The following DPP10 variants were observed in gnomAD, a reference collection of about 807,000 sequenced individuals.
DPP10 encodes inactive dipeptidyl peptidase 10.
In DPP10, 33 loss-of-function variants were observed where a neutral mutation model predicts 120.9. The ratio of observed to expected loss-of-function variants is 0.27; its 90% confidence interval spans 0.21 to 0.37. The LOEUF is 0.37. DPP10 is among the 10% of genes least tolerant of loss of function. The pLI is 1.00. For synonymous variants in DPP10, 337 were observed against 326.1 expected, an observed-to-expected ratio of 1.03 and a Z score of -0.36; for missense variants, 816 against 942.8, an observed-to-expected ratio of 0.87 and a Z score of 1.76.
chr2:115,779,567 G>A (rs1439862660), intron 15 of DPP10, among the ~76,000 whole-genome samples: 1 of 151,962 alleles, frequency 6.6e-6, no homozygotes, highest in African/African-American at 2.4e-5. Context: ...AATCTCCAGG[G>A]AGCTTGGATC....
At chr2:115,707,565 C>T (rs1001407082) in intron 7 of DPP10, among the ~76,000 whole-genome samples, 2 of 150,026 alleles carry the variant, frequency 1.3e-5, no homozygotes, top group Non-Finnish European at 3.0e-5. Context: ...AAATATATTA[C>T]ACATGTGTCT....
intron 1 of DPP10, among the ~76,000 whole-genome samples, chr2:114,708,765 G>GT (rs999097036): frequency 2.3e-4 from 35 of 151,588 alleles, no homozygotes; most frequent in Admixed American, 6.6e-4. Context: ...TTTGTTTTTT[G>GT]TTTTTTTTGA....
At chr2:115,246,545 G>A (rs1199590180) in intron 1 of DPP10, among the ~76,000 whole-genome samples, 1 of 152,128 alleles carries the variant, frequency 6.6e-6, no homozygotes, top group African/African-American at 2.4e-5. Context: ...ACAGAGACAG[G>A]AGAAATGTCC....
At chr2:115,416,117 A>G (rs1301438987) in intron 3 of DPP10, among the ~76,000 whole-genome samples, 1 of 151,988 alleles carries the variant, frequency 6.6e-6, no homozygotes, top group Non-Finnish European at 1.5e-5. Flanking sequence ...ACTTGAAATT[A>G]TATTTTGCTG....
At chr2:115,573,955 C>T (rs1364200791) in intron 5 of DPP10, among the ~76,000 whole-genome samples, 1 of 152,140 alleles carries the variant, frequency 6.6e-6, no homozygotes, top group Non-Finnish European at 1.5e-5. Flanking sequence ...TGGCCTGGTT[C>T]TCTACTCTTT....
At chr2:115,555,305 T>C (rs2080141428) in intron 5 of DPP10, among the ~76,000 whole-genome samples, 1 of 152,114 alleles carries the variant, frequency 6.6e-6, no homozygotes, top group Non-Finnish European at 1.5e-5. Context: ...AATTAAAGCA[T>C]ACAAATTGTA....
intron 1 of DPP10, among the ~76,000 whole-genome samples, chr2:115,206,926 C>T (rs2056173910): frequency 6.6e-6 from 1 of 152,136 alleles, no homozygotes; most frequent in African/African-American, 2.4e-5. Context: ...AAGATGTTAT[C>T]ATAAGACCTA....
chr2:114,759,143 A>G (rs1680055463), intron 1 of DPP10, among the ~76,000 whole-genome samples: 1 of 152,220 alleles, frequency 6.6e-6, no homozygotes, highest in African/African-American at 2.4e-5. Flanking sequence ...CAGTAACTAC[A>G]TATATTGATC....
chr2:115,720,378 T>C (rs1182624835), intron 7 of DPP10, among the ~76,000 whole-genome samples: 4 of 152,184 alleles, frequency 2.6e-5, no homozygotes, highest in Non-Finnish European at 5.9e-5. Context: ...AGATGGTTTC[T>C]AGACTAAAAT....
At chr2:114,618,922 T>G (rs1693875570) in intron 1 of DPP10, among the ~76,000 whole-genome samples, 1 of 152,048 alleles carries the variant, frequency 6.6e-6, no homozygotes, top group African/African-American at 2.4e-5. Flanking sequence ...AGTCGTAATT[T>G]CTACATCACT....
chr2:114,947,082 GT>G (rs1697418704), intron 1 of DPP10, among the ~76,000 whole-genome samples: 1 of 151,796 alleles, frequency 6.6e-6, no homozygotes, highest in South Asian at 2.1e-4. Flanking sequence ...GTTTTTATCT[GT>G]TTGTTTAACC....
At chr2:115,713,821 C>T (rs1238603359) in intron 7 of DPP10, among the ~76,000 whole-genome samples, 2 of 152,106 alleles carry the variant, frequency 1.3e-5, no homozygotes, top group Admixed American at 1.3e-4. Flanking sequence ...TTCAGAGAGA[C>T]TTTTATGAAA....
chr2:115,619,323 C>T (rs751546309), intron 5 of DPP10, among the ~76,000 whole-genome samples: 34 of 151,558 alleles, frequency 2.2e-4, no homozygotes, highest in Non-Finnish European at 4.0e-4. Context: ...GATCCGCCCG[C>T]GTCGGCATCC....
intron 1 of DPP10, among the ~76,000 whole-genome samples, chr2:114,480,567 T>A (rs1407700283): frequency 6.6e-6 from 1 of 151,992 alleles, no homozygotes; most frequent in East Asian, 1.9e-4. Context: ...GGAACATGGA[T>A]GAAGCTGGAA....
At chr2:115,421,959 GT>G in intron 3 of DPP10, among the ~76,000 whole-genome samples, 1 of 142,996 alleles carries the variant, frequency 7.0e-6, no homozygotes, top group South Asian at 2.3e-4. Flanking sequence ...CTCTAAACAA[GT>G]TTAAAAGCAG....
Position 115,458,308 on chromosome 2 carries a change from G to A in DPP10, c.272-41202G>A, listed in dbSNP as rs571486627. 1.9e-3 allele frequency among the ~76,000 whole-genome samples: 287 copies of A among 152,128 alleles called. 1 individual carries two copies. The highest frequency in any genetic ancestry group is 3.2e-3 in the Non-Finnish European group (220 of 67,972). On this transcript the variant is annotated intron_variant, in intron 3 of 25. Transcript: ENST00000410059. ...AGAATGTGATTATTTTAATTATGAT[G>A]GGAACAAGGTAACTATAAAGAATAG...
intron 5 of DPP10, among the ~76,000 whole-genome samples, chr2:115,534,631 T>C (rs2148933384): frequency 6.6e-6 from 1 of 152,138 alleles, no homozygotes; most frequent in Admixed American, 6.5e-5. Flanking sequence ...TACCCAGTAA[T>C]GGGATGGCTG....
At chr2:114,486,817 G>C (rs1681561718) in intron 1 of DPP10, among the ~76,000 whole-genome samples, 1 of 151,954 alleles carries the variant, frequency 6.6e-6, no homozygotes, top group Non-Finnish European at 1.5e-5. Flanking sequence ...GTCAGATATT[G>C]TTCTTCTAGT....
intron 1 of DPP10, among the ~76,000 whole-genome samples, chr2:115,151,316 T>G (rs567668767): frequency 6.6e-6 from 1 of 152,320 alleles, no homozygotes; most frequent in Non-Finnish European, 1.5e-5. Context: ...TTAATTTTAC[T>G]TCGTGTTGAT....
Sources: allele counts gnomAD v4.1 joint callset (sites outside exome capture counted in the v4.1 genomes callset), GRCh38; gene constraint gnomAD v4.1.1; transcripts MANE v1.5; gene names NCBI Gene and HGNC (gene_info 2026-07-23, HGNC 2026-07-21).